Variants in ZMIZ1 observed in about 807,000 individuals in gnomAD.
ZMIZ1 encodes zinc finger MIZ domain-containing protein 1.
ZMIZ1 carries 17 observed loss-of-function variants against 113.9 expected under a neutral mutation model. The ratio of observed to expected loss-of-function variants is 0.15; its 90% CI spans 0.10 to 0.22. The LOEUF (loss-of-function observed/expected upper bound fraction) is 0.22. Among genes scored for constraint, ZMIZ1 ranks in the 10% least tolerant of loss-of-function variants. ZMIZ1 has a pLI of 1.00. For missense variants in ZMIZ1, 1,059 were observed against 1,477.8 expected, an observed-to-expected ratio of 0.72 and a Z score of 4.65; for synonymous variants, 607 against 603.1, an observed-to-expected ratio of 1.01 and a Z score of -0.09.
At chr10:79,288,196 G>T (rs79416565) in intron 8 of ZMIZ1, among the ~76,000 whole-genome samples, 7 of 152,220 alleles carry the variant, frequency 4.6e-5, no homozygotes, top group African/African-American at 1.2e-4. Context: ...GAGCTCAGCC[G>T]GGCAAGGCAC....
intron 4 of ZMIZ1, among the ~76,000 whole-genome samples, chr10:79,194,543 C>T (rs888134458): frequency 3.3e-5 from 5 of 152,232 alleles, no homozygotes; most frequent in African/African-American, 4.8e-5. Context: ...CCCCTGAGGG[C>T]TGTTTGCCTC....
chr10:79,298,691 G>T, intron 15 of ZMIZ1, 111 bp downstream of exon 15: 1 of 1,055,808 alleles, frequency 9.5e-7, no homozygotes. Context: ...AAGGGGCAGA[G>T]AGTTGAGAGC....
chr10:79,280,523 C>T (rs1336866869), intron 8 of ZMIZ1, among the ~76,000 whole-genome samples: 2 of 152,132 alleles, frequency 1.3e-5, no homozygotes, highest in African/African-American at 4.8e-5. Context: ...AATCCTACCA[C>T]CTTGGCCTCC....
At chr10:79,180,628 C>G (rs1239194995) in intron 4 of ZMIZ1, among the ~76,000 whole-genome samples, 1 of 152,184 alleles carries the variant, frequency 6.6e-6, no homozygotes, top group East Asian at 1.9e-4. Context: ...CCTGAGCTGC[C>G]CCTCTGGAGT....
intron 7 of ZMIZ1, among the ~76,000 whole-genome samples, chr10:79,242,326 C>A (rs1029815567): frequency 2.0e-5 from 3 of 151,952 alleles, no homozygotes; most frequent in Middle Eastern, 3.4e-3. Context: ...TCCCTCCTGC[C>A]GCCAGCTCCT....
chr10:79,270,758 T>G (rs1851898500), intron 7 of ZMIZ1, among the ~76,000 whole-genome samples: 1 of 152,178 alleles, frequency 6.6e-6, no homozygotes, highest in Non-Finnish European at 1.5e-5. Context: ...CCTGCGGATG[T>G]GGCAGTGACT....
chr10:79,264,027 A>G (rs900495966), intron 7 of ZMIZ1, among the ~76,000 whole-genome samples: 14 of 152,210 alleles, frequency 9.2e-5, no homozygotes, highest in Non-Finnish European at 2.1e-4. Flanking sequence ...AGAGCCAGCA[A>G]CGGGCAGTGA....
Position 79,312,514 on chromosome 10 carries a change from C to A in ZMIZ1, c.3097-128C>A, listed in dbSNP as rs978338869. 166 of 932,682 alleles carry A rather than the reference C, an allele frequency of 1.8e-4. 1 individual carries two copies. In the East Asian group the frequency reaches 4.0e-3, roughly 22 times the overall value. The allele number at this position is 932,682 out of a possible 1,614,324, so 57.8% of individuals were successfully genotyped here. On this transcript the variant is annotated intron_variant, in intron 24 of 24. Coordinates refer to ENST00000334512, the MANE Select transcript of ZMIZ1 (RefSeq NM_020338.4). ...GGCCCAAGCCCAAGGCTGTTCTCTA[C>A]CCCTTTTTTTGGCTAGGGTCCTGAG... is the stretch of plus-strand genomic sequence containing the variant.
At chr10:79,218,584 G>GGTGTGTGTGTGTGTGTGT (rs55736085) in intron 7 of ZMIZ1, among the ~76,000 whole-genome samples, 3,529 of 147,626 alleles carry the variant, frequency 0.024, 110 homozygotes, top group African/African-American at 0.075. Context: ...TAATTAGAGG[G>GGTGTGTGTGTGTGTGTGT]GTGTGTGTGT....
intron 7 of ZMIZ1, among the ~76,000 whole-genome samples, chr10:79,221,887 G>A (rs546208259): frequency 7.9e-5 from 12 of 152,242 alleles, no homozygotes; most frequent in Non-Finnish European, 1.6e-4. Context: ...GCCTTCTCGC[G>A]CCCTTCCTGT....
chr10:79,182,032 A>G (rs964720195), intron 4 of ZMIZ1, among the ~76,000 whole-genome samples: 1 of 152,162 alleles, frequency 6.6e-6, no homozygotes, highest in African/African-American at 2.4e-5. Context: ...GACAAGAGAC[A>G]CCTCACAGGA....
chr10:79,127,435 C>A lies in ZMIZ1; in HGVS notation c.-227+8411C>A, dbSNP rs145952044. Among the ~76,000 whole-genome samples the A allele has an allele frequency of 4.3e-3, 648 of 152,278 alleles. 4 individuals are homozygous for A. The highest frequency in any genetic ancestry group is 0.015 in the African/African-American group (604 of 41,558). On this transcript the variant is annotated intron_variant, in intron 2 of 24. Coordinates refer to ENST00000334512, the MANE Select transcript of ZMIZ1 (RefSeq NM_020338.4). ...GCCAGCTCAGGCCCCGTCAGATGGC[C>A]CAGGTTCCTGCTCGGGAAGCCCATT... is the stretch of plus-strand genomic sequence containing the variant.
At chr10:79,193,238 A>T (rs2132619877) in intron 4 of ZMIZ1, among the ~76,000 whole-genome samples, 1 of 152,322 alleles carries the variant, frequency 6.6e-6, no homozygotes, top group East Asian at 1.9e-4. Context: ...CAATTCTTTA[A>T]TTCACTTAGG....
intron 1 of ZMIZ1, among the ~76,000 whole-genome samples, chr10:79,116,111 A>G (rs1476097719): frequency 1.3e-5 from 2 of 151,894 alleles, no homozygotes; most frequent in African/African-American, 4.8e-5. Context: ...TGCACTCTGT[A>G]GCCCCTTACT....
At chr10:79,227,333 T>G (rs761358442) in intron 7 of ZMIZ1, among the ~76,000 whole-genome samples, 1 of 152,198 alleles carries the variant, frequency 6.6e-6, no homozygotes, top group Non-Finnish European at 1.5e-5. Context: ...GGATGATGAA[T>G]AGCAGAGAGC....
chr10:79,154,958 G>A (rs925187953), intron 3 of ZMIZ1, among the ~76,000 whole-genome samples: 5 of 152,190 alleles, frequency 3.3e-5, no homozygotes, highest in African/African-American at 9.7e-5. Context: ...TCCTGTGCAC[G>A]TGCATATGGG....
rs183975430 is a variant in ZMIZ1, at chr10:79,079,378, A to G, written c.-337+10108A>G. Among the ~76,000 whole-genome samples, 9 of 152,306 alleles carry G rather than the reference A, an allele frequency of 5.9e-5. No homozygotes were observed. In the East Asian group the frequency reaches 9.7e-4, roughly 16 times the overall value. On this transcript the variant is annotated intron_variant, in intron 1 of 24. Transcript: ENST00000334512. ...AGCCTTGTTTCAGATCCTTAATTCA[A>G]TGTGGACACCTGGAAACAGTGTCGA...
intron 3 of ZMIZ1, among the ~76,000 whole-genome samples, chr10:79,155,306 C>T (rs1456485147): frequency 2.0e-5 from 3 of 152,202 alleles, no homozygotes; most frequent in Admixed American, 1.3e-4. Context: ...CTGGGGCAGT[C>T]GGGACAGCTT....
chr10:79,218,324 A>T (rs1848819078), intron 7 of ZMIZ1, among the ~76,000 whole-genome samples: 1 of 151,878 alleles, frequency 6.6e-6, no homozygotes, highest in African/African-American at 2.4e-5. Context: ...AAAATACAAA[A>T]ATTAGCTGGG....
Sources: gnomAD v4.1 joint callset for allele counts (sites outside exome capture counted in the v4.1 genomes callset) on GRCh38, gnomAD v4.1.1 for gene constraint, MANE v1.5 for transcripts, NCBI Gene and HGNC (gene_info 2026-07-23, HGNC 2026-07-21) for gene names.